Variants in TRIM67 observed in about 807,000 individuals in gnomAD.
TRIM67 encodes tripartite motif containing 67, also known as tripartite motif-containing protein 67.
Under a neutral mutation model 71.0 loss-of-function variants are expected in TRIM67, and 39 were observed. That is an observed-to-expected ratio of 0.55 (90% CI 0.43 to 0.72). The LOEUF is 0.72. Among genes scored for constraint, TRIM67 ranks in the 30% least tolerant of loss-of-function variants. The pLI, the probability that TRIM67 is intolerant of heterozygous loss-of-function variation, is 0.00. For synonymous variants in TRIM67, 481 were observed against 473.9 expected, an observed-to-expected ratio of 1.01 and a Z score of -0.19; for missense variants, 973 against 1,079.2, an observed-to-expected ratio of 0.90 and a Z score of 1.38.
chr1:231,190,795 G>T (rs1288010613), intron 1 of TRIM67, among the ~76,000 whole-genome samples: 2 of 152,160 alleles, frequency 1.3e-5, no homozygotes, highest in Non-Finnish European at 2.9e-5. Flanking sequence ...GGGAGGTCTG[G>T]CTGCCACTAT....
chr1:231,200,268 T>G lies in TRIM67; in HGVS notation c.1374+10T>G. On this transcript the variant is annotated intron_variant, in intron 4 of 9. Coordinates refer to ENST00000366653, the MANE Select transcript of TRIM67 (RefSeq NM_001004342.5). ...CTCCGGGTTCTTACAGGTGAGCCTGTCCCTGGAAGACACAAAGTGGGCTTC... is the reference window on the plus strand; with the variant it reads ...CTCCGGGTTCTTACAGGTGAGCCTGGCCCTGGAAGACACAAAGTGGGCTTC... The G allele has an allele frequency of 1.3e-6, 2 of 1,583,950 alleles. No individual in the cohort carries two copies. Among genetic ancestry groups the G allele is most frequent in the Non-Finnish European group, 1.7e-6 (2 of 1,152,852 alleles).
chr1:231,167,971 T>A (rs76213343), intron 1 of TRIM67, among the ~76,000 whole-genome samples: 5 of 151,910 alleles, frequency 3.3e-5, no homozygotes, highest in South Asian at 4.2e-4. Context: ...TTTTTTTTTT[T>A]AATATTTTGA....
chr1:231,196,874 T>G (rs1036317622), intron 1 of TRIM67, among the ~76,000 whole-genome samples: 2 of 152,130 alleles, frequency 1.3e-5, no homozygotes, highest in Admixed American at 6.5e-5. Flanking sequence ...CTAGTCCAGT[T>G]CCAGGACCCA....
intron 2 of TRIM67, among the ~76,000 whole-genome samples, chr1:231,198,227 C>T (rs1683421456): frequency 1.3e-5 from 2 of 152,068 alleles, no homozygotes; most frequent in Non-Finnish European, 2.9e-5. Context: ...TGTACTGAGC[C>T]CAGCACAAGA....
chr1:231,180,456 C>A (rs574615035), intron 1 of TRIM67, among the ~76,000 whole-genome samples: 2 of 152,240 alleles, frequency 1.3e-5, no homozygotes, highest in South Asian at 2.1e-4. Flanking sequence ...TCTTTAAGAA[C>A]AACTTCATTC....
At chr1:231,180,349 C>T (rs905585171) in intron 1 of TRIM67, among the ~76,000 whole-genome samples, 14 of 152,224 alleles carry the variant, frequency 9.2e-5, no homozygotes, top group Middle Eastern at 3.4e-3. Flanking sequence ...CTTATTATCT[C>T]TTTAAGATAA....
rs142212122 is a variant in TRIM67 at position 231,221,276 on chromosome 1, A to G, written c.*5836A>G. ...CTCCTCCCTCCCCTTCCCCCATCACATCCACTTTCGGTCACTCGTTGTTGG... is the reference window on the plus strand; with the variant it reads ...CTCCTCCCTCCCCTTCCCCCATCACGTCCACTTTCGGTCACTCGTTGTTGG... On this transcript the variant is annotated 3_prime_UTR_variant, in exon 10 of 10. Transcript: ENST00000366653. 4 of 152,438 alleles carry G rather than the reference A, an allele frequency of 2.6e-5. No individual in the cohort carries two copies. The highest frequency in any genetic ancestry group is 4.4e-5 in the Non-Finnish European group (3 of 67,996). 9.4% of individuals were successfully genotyped at this position (152,438 alleles called of 1,614,324 possible).
intron 1 of TRIM67, among the ~76,000 whole-genome samples, chr1:231,167,362 G>A (rs1419605549): frequency 2.2e-5 from 1 of 44,814 alleles, no homozygotes; most frequent in Admixed American, 2.8e-4. Context: ...TCGCTCTGTC[G>A]CCCAGGCTGG....
intron 1 of TRIM67, chr1:231,187,597 T>C: frequency 6.6e-7 from 1 of 1,516,862 alleles, no homozygotes; most frequent in Non-Finnish European, 8.8e-7. Context: ...CCAATGATGG[T>C]GTGAAACTCT....
At chr1:231,206,894 G>C (rs1277336521) in intron 7 of TRIM67, 104 bp downstream of exon 7, 1 of 1,282,622 alleles carries the variant, frequency 7.8e-7, no homozygotes, top group Admixed American at 2.6e-5. Flanking sequence ...AGGGGTGGGG[G>C]GTGGTGCTGG....
In TRIM67 at chr1:231,206,800, G is replaced by A. The variant is rs113571393; in HGVS notation, c.1819+10G>A. The A allele has an allele frequency of 1.6e-4, 261 of 1,582,466 alleles. No homozygotes were observed. The highest frequency in any genetic ancestry group is 5.7e-4 in the African/African-American group (42 of 73,608). Reference sequence around the variant, plus strand: ...CTGCAGACATCCGATGGTGAGCATCGGGATCTCTTAGTGGGAAGAACAGAT... The same window carrying A: ...CTGCAGACATCCGATGGTGAGCATCAGGATCTCTTAGTGGGAAGAACAGAT... On this transcript the variant is annotated intron_variant, in intron 7 of 9. Transcript: ENST00000366653.
chr1:231,193,503 G>GCTCTCTCTCTCTTT (rs1553325671), intron 1 of TRIM67, among the ~76,000 whole-genome samples: 4 of 81,996 alleles, frequency 4.9e-5, no homozygotes, highest in African/African-American at 1.8e-4. Context: ...TCTCTCTCAA[G>GCTCTCTCTCTCTTT]CTCTCTCTCT....
chr1:231,167,341 G>A (rs1363806910), intron 1 of TRIM67, among the ~76,000 whole-genome samples: 97 of 8,824 alleles, frequency 0.011, 1 homozygote, highest in East Asian at 0.019. Context: ...TTTTTTTTTT[G>A]AGACGGAGTC....
rs1683814661 is a variant in TRIM67, at chr1:231,209,683, T to C, written c.2123+433T>C. 6.6e-6 allele frequency among the ~76,000 whole-genome samples: 1 copy of C among 152,222 alleles called. No homozygotes were observed. The highest frequency in any genetic ancestry group is 1.5e-5 in the Non-Finnish European group (1 of 68,034). Reference sequence around the variant, plus strand: ...GCCACTAACTTGCCTGCAGTGATCCTGGCCACTGCCCTGGTCTCATGTGGG... The same window carrying C: ...GCCACTAACTTGCCTGCAGTGATCCCGGCCACTGCCCTGGTCTCATGTGGG... On this transcript the variant is annotated intron_variant, in intron 8 of 9. Transcript: ENST00000366653. The surrounding 1 kb of genome is among the most constrained non-coding windows in gnomAD (Gnocchi z 4.1).
At chr1:231,164,144 C>T in intron 1 of TRIM67, 131 bp downstream of exon 1, 8 of 1,142,764 alleles carry the variant, frequency 7.0e-6, no homozygotes, top group Non-Finnish European at 9.1e-6. Flanking sequence ...CACTCATTAG[C>T]CATTCATTCC....
intron 8 of TRIM67, among the ~76,000 whole-genome samples, chr1:231,211,040 A>ATG: frequency 7.3e-6 from 1 of 136,104 alleles, no homozygotes; most frequent in East Asian, 2.1e-4. Context: ...AAATATATAT[A>ATG]TATATATATA....
Position 231,212,227 on chromosome 1 carries a change from G to A in TRIM67, c.2124-1588G>A, listed in dbSNP as rs533700334. On this transcript the variant is annotated intron_variant, in intron 8 of 9. Coordinates refer to ENST00000366653, the MANE Select transcript of TRIM67 (RefSeq NM_001004342.5). ...GACAAATAGTTACAAGAAGAGCAAC[G>A]GTACCAGGTGCAAGGTTCTAAATCT... Among the ~76,000 whole-genome samples, 4 of 152,192 alleles carry A rather than the reference G, an allele frequency of 2.6e-5. No individual in the cohort carries two copies. The South Asian group carries it at 8.3e-4, about 32-fold the overall frequency.
chr1:231,183,154 A>G (rs1259999628), intron 1 of TRIM67, among the ~76,000 whole-genome samples: 1 of 152,216 alleles, frequency 6.6e-6, no homozygotes, highest in Non-Finnish European at 1.5e-5. Flanking sequence ...CCATCTCCAC[A>G]AGCATGGACT....
intron 1 of TRIM67, among the ~76,000 whole-genome samples, chr1:231,190,037 A>C (rs1683191040): frequency 6.6e-6 from 1 of 152,162 alleles, no homozygotes; most frequent in African/African-American, 2.4e-5. Context: ...CCATAAAATG[A>C]TAAATTTGTG....
Sources: allele counts gnomAD v4.1 joint callset (sites outside exome capture counted in the v4.1 genomes callset), GRCh38; gene constraint gnomAD v4.1.1; non-coding constraint Gnocchi (gnomAD v3.1); transcripts MANE v1.5; gene names NCBI Gene and HGNC (gene_info 2026-07-23, HGNC 2026-07-21).